FERMT1: variants seen among roughly 807,000 people sequenced by gnomAD.
FERMT1 encodes FERM domain containing kindlin 1, also known as fermitin family homolog 1.
A neutral mutation model predicts 85.3 loss-of-function variants in FERMT1; 60 were observed. The ratio of observed to expected loss-of-function variants is 0.70; its 90% CI spans 0.57 to 0.87. FERMT1 has a LOEUF of 0.87. FERMT1 is among the 40% of genes least tolerant of loss of function. FERMT1 has a pLI of 0.00. For synonymous variants in FERMT1, 275 were observed against 301.1 expected, an observed-to-expected ratio of 0.91 and a Z score of 0.90; for missense variants, 701 against 818.9, an observed-to-expected ratio of 0.86 and a Z score of 1.76.
At chr20:6,084,844 C>G (rs186395644) in intron 12 of FERMT1, among the ~76,000 whole-genome samples, 45 of 152,156 alleles carry the variant, frequency 3.0e-4, no homozygotes, top group African/African-American at 1.1e-3. Flanking sequence ...CAGGTGTGCA[C>G]CACCACGTCT....
At chr20:6,106,916 G>T (rs149170197) in intron 6 of FERMT1, among the ~76,000 whole-genome samples, 28 of 152,224 alleles carry the variant, frequency 1.8e-4, no homozygotes, top group African/African-American at 6.3e-4. Context: ...CTTCAGTTCT[G>T]GCCAGATGCG....
At chr20:6,085,633 T>C (rs1982157436) in intron 11 of FERMT1, among the ~76,000 whole-genome samples, 1 of 152,096 alleles carries the variant, frequency 6.6e-6, no homozygotes, top group African/African-American at 2.4e-5. Flanking sequence ...GTGGGTCACC[T>C]GAGGTCAGGA....
intron 3 of FERMT1, among the ~76,000 whole-genome samples, chr20:6,113,614 T>C (rs1451199729): frequency 6.6e-6 from 1 of 152,152 alleles, no homozygotes. Flanking sequence ...TTTGCTCTGA[T>C]GGCTCACCAG....
chr20:6,108,114 C>A (rs1982847997), intron 5 of FERMT1, among the ~76,000 whole-genome samples: 1 of 152,234 alleles, frequency 6.6e-6, no homozygotes, highest in Admixed American at 6.5e-5. Flanking sequence ...GATCTGCCTG[C>A]CTTGGCCTCC....
chr20:6,082,283 C>T (rs1019972130), intron 13 of FERMT1, among the ~76,000 whole-genome samples: 14 of 152,170 alleles, frequency 9.2e-5, no homozygotes, highest in Admixed American at 8.5e-4. Flanking sequence ...TTGCAGGCTG[C>T]ACTGGATTCT....
intron 1 of FERMT1, 24 bp from the exon 2 acceptor site, chr20:6,119,596 A>G (rs1358119649): frequency 1.3e-6 from 2 of 1,596,408 alleles, no homozygotes; most frequent in Non-Finnish European, 1.7e-6. Context: ...AGGCAGACAT[A>G]GATTGGAATG....
chr20:6,079,415 G>C (rs1373928925), intron 14 of FERMT1, 21 bp downstream of exon 14: 1 of 1,613,562 alleles, frequency 6.2e-7, no homozygotes, highest in East Asian at 2.2e-5. Flanking sequence ...CAACACTGAA[G>C]AGCAAAAACT....
intron 13 of FERMT1, among the ~76,000 whole-genome samples, chr20:6,079,997 G>T (rs1162652059): frequency 6.6e-6 from 1 of 152,098 alleles, no homozygotes; most frequent in African/African-American, 2.4e-5. Flanking sequence ...AGTTGGAAGG[G>T]CTACAGGGAA....
Position 6,089,079 on chromosome 20 carries a change from ACTT to A in FERMT1, c.1147_1149del (p.Lys383del). 6.2e-7 allele frequency: 1 copy of A among 1,612,114 alleles called. No individual in the cohort carries two copies. Among genetic ancestry groups the A allele is most frequent in the Non-Finnish European group, 8.5e-7 (1 of 1,178,572 alleles). ...TATTGTTTGAAAGCTTTTGGTAGTA[ACTT>A]CTTGGGCCTGCAAATTCAAAGATAG... On this transcript the variant is annotated inframe_deletion, in exon 10 of 15. Coordinates refer to ENST00000217289, the MANE Select transcript of FERMT1 (RefSeq NM_017671.5).
intron 3 of FERMT1, among the ~76,000 whole-genome samples, chr20:6,114,193 A>G (rs2123147733): frequency 6.6e-6 from 1 of 152,364 alleles, no homozygotes; most frequent in South Asian, 2.1e-4. Context: ...TTCCAAATGC[A>G]TAATTTATAC....
rs377071537 is a variant in FERMT1 at position 6,097,649 on chromosome 20, G to A, written c.850-18C>T. The A allele has an allele frequency of 6.6e-6, 10 of 1,513,930 alleles. No individual in the cohort carries two copies. The South Asian group carries it at 6.7e-5, about 10-fold the overall frequency. The allele number at this position is 1,513,930 out of a possible 1,614,324, so 93.8% of individuals were successfully genotyped here. On this transcript the variant is annotated intron_variant, in intron 6 of 14. Coordinates refer to ENST00000217289, the MANE Select transcript of FERMT1 (RefSeq NM_017671.5). ...GCATCATACTAGAGACAAAAACAGAGGTGTGTGTGTAATGAGGTATATTTA... is the reference window on the plus strand; with the variant it reads ...GCATCATACTAGAGACAAAAACAGAAGTGTGTGTGTAATGAGGTATATTTA...
At chr20:6,117,670 G>A (rs963779008) in intron 2 of FERMT1, among the ~76,000 whole-genome samples, 2 of 152,164 alleles carry the variant, frequency 1.3e-5, no homozygotes, top group Non-Finnish European at 2.9e-5. Flanking sequence ...CTGACCTCGT[G>A]ATCCACCCAC....
chr20:6,122,428 C>T (rs1983302278), intron 1 of FERMT1, among the ~76,000 whole-genome samples: 1 of 152,192 alleles, frequency 6.6e-6, no homozygotes. Context: ...GAGGGGGAAA[C>T]AGTCCCCGAC....
chr20:6,115,462 T>G (rs956198877), intron 3 of FERMT1, among the ~76,000 whole-genome samples: 2 of 152,248 alleles, frequency 1.3e-5, no homozygotes, highest in South Asian at 4.1e-4. Context: ...CTATGGTGAT[T>G]AAGTATTTAA....
chr20:6,079,766 G>A (rs1981942260), intron 13 of FERMT1, among the ~76,000 whole-genome samples, 189 bp from the exon 14 acceptor site: 2 of 152,168 alleles, frequency 1.3e-5, no homozygotes, highest in East Asian at 1.9e-4. Flanking sequence ...AAGAATGAAG[G>A]CTATCCTGCA....
At position 6,084,029 on chromosome 20, in the gene FERMT1, A is replaced by G. The variant is rs772355219; in HGVS notation, c.1718+11T>C. On this transcript the variant is annotated intron_variant, in intron 13 of 14. Transcript: ENST00000217289. The stretch of plus-strand genomic sequence containing the variant: ...TGGAAAGTGTGAGAAACAAGTGAAC[A>G]TTGTAATCACCTGACAAGGTAGTAG... The G allele has an allele frequency of 6.2e-7, 1 of 1,614,194 alleles. No homozygotes were observed.
At chr20:6,110,149 A>AT in intron 5 of FERMT1, 149 bp downstream of exon 5, 1 of 713,326 alleles carries the variant, frequency 1.4e-6, no homozygotes, top group Non-Finnish European at 2.5e-6. Flanking sequence ...CAAAGGCTGA[A>AT]TTTTTCCCCT....
At chr20:6,114,828 G>A (rs565479417) in intron 3 of FERMT1, among the ~76,000 whole-genome samples, 15 of 152,116 alleles carry the variant, frequency 9.9e-5, no homozygotes, top group African/African-American at 3.6e-4. Context: ...TCTCTTTTTT[G>A]GGGTACTATC....
At chr20:6,120,817 T>C (rs1983252651) in intron 1 of FERMT1, among the ~76,000 whole-genome samples, 1 of 152,174 alleles carries the variant, frequency 6.6e-6, no homozygotes. Flanking sequence ...GGCCATACAT[T>C]TCTTAACAGG....
Sources: gnomAD v4.1 joint callset for allele counts (sites outside exome capture counted in the v4.1 genomes callset) on GRCh38, gnomAD v4.1.1 for gene constraint, MANE v1.5 for transcripts, NCBI Gene and HGNC (gene_info 2026-07-23, HGNC 2026-07-21) for gene names.